Variants in FBXO45 observed in about 807,000 individuals in gnomAD.
FBXO45 encodes F-box/SPRY domain-containing protein 1.
Under a neutral mutation model 25.5 loss-of-function variants are expected in FBXO45, and 3 were observed. That is an observed-to-expected ratio of 0.12 (90% CI 0.05 to 0.30). The LOEUF is 0.30. Ranked by LOEUF, FBXO45 falls within the 10% of genes least tolerant of loss-of-function variation. FBXO45 has a pLI of 1.00. For missense variants in FBXO45, 219 were observed against 365.0 expected, an observed-to-expected ratio of 0.60 and a Z score of 3.26; for synonymous variants, 155 against 149.8, an observed-to-expected ratio of 1.03 and a Z score of -0.25.
chr3:196,584,059 C>G lies in FBXO45; in HGVS notation c.676-74C>G. The G allele has an allele frequency of 7.1e-7, 1 of 1,400,954 alleles. No homozygotes were observed. The highest frequency in any genetic ancestry group is 2.2e-5 in the Admixed American group (1 of 45,592). The allele number at this position is 1,400,954 out of a possible 1,614,324, so 86.8% of individuals were successfully genotyped here. On this transcript the variant is annotated intron_variant, in intron 2 of 2. Coordinates refer to ENST00000311630, the MANE Select transcript of FBXO45 (RefSeq NM_001105573.2). The surrounding 1 kb of genome is among the most constrained non-coding windows in gnomAD (Gnocchi z 4.3). ...ATAATATTCTTAATATTTTCAACTT[C>G]TTGATTTGTGTCTTGTTTCTTCTAG...
rs190604501 is a variant in FBXO45, at chr3:196,587,054, A to G, written c.*2736A>G. 8 of 152,234 alleles carry G rather than the reference A, an allele frequency of 5.3e-5. No homozygotes were observed. The highest frequency in any genetic ancestry group is 1.0e-4 in the Non-Finnish European group (7 of 68,046). 9.4% of individuals were successfully genotyped at this position (152,234 alleles called of 1,614,324 possible). A position where few individuals can be genotyped will look rare whatever the true frequency, so the allele number is the denominator to read the frequency against. On this transcript the variant is annotated 3_prime_UTR_variant, in exon 3 of 3. Coordinates refer to ENST00000311630, the MANE Select transcript of FBXO45 (RefSeq NM_001105573.2). ...TTCAATTCATAGTATGATCAGGGAA[A>G]GTGTAACTGAGTATACTTTGTTGAC... is the stretch of plus-strand genomic sequence containing the variant.
chr3:196,572,324 C>G (rs148807724), intron 1 of FBXO45, among the ~76,000 whole-genome samples: 1 of 152,268 alleles, frequency 6.6e-6, no homozygotes, highest in East Asian at 1.9e-4. Context: ...GGATATTAAT[C>G]AAATAATCAC....
chr3:196,568,878 G>A lies in FBXO45; in HGVS notation c.-107G>A. The A allele has an allele frequency of 1.2e-6, 1 of 849,022 alleles. No individual in the cohort carries two copies. The highest frequency in any genetic ancestry group is 1.8e-5 in the African/African-American group (1 of 54,700). The allele number at this position is 849,022 out of a possible 1,614,324, so 52.6% of individuals were successfully genotyped here. A position where few individuals can be genotyped will look rare whatever the true frequency, so the allele number is the denominator to read the frequency against. ...AGGCGCCGGCGGTTGGCACTGACAGGGGCGGTGAGCGAGCCGCTCCGGTCT... is the reference window on the plus strand; with the variant it reads ...AGGCGCCGGCGGTTGGCACTGACAGAGGCGGTGAGCGAGCCGCTCCGGTCT... On this transcript the variant is annotated 5_prime_UTR_variant, in exon 1 of 3. Coordinates refer to ENST00000311630, the MANE Select transcript of FBXO45 (RefSeq NM_001105573.2).
Position 196,584,229 on chromosome 3 carries a change from C to G in FBXO45, c.772C>G (p.Pro258Ala). The change falls in exon 3 of 3, where the codon CCA (proline) becomes GCA (alanine). Residue 258 changes from proline to alanine, a missense_variant. This residue lies in a region of FBXO45 where 16 missense variants were observed against 52.3 expected (regional missense o/e 0.31). Transcript: ENST00000311630. The surrounding 1 kb of genome is among the most constrained non-coding windows in gnomAD (Gnocchi z 4.3). ...CCTGGGGGTTGCTTTTAGAGGACTT[C>G]CAAAGGTCTGCTTATACCCAGCAGT... The part of the protein sequence containing the change: ...EFLGVAFRGL[P>A]KVCLYPAVSA... 6.2e-7 allele frequency: 1 copy of G among 1,613,942 alleles called. No individual in the cohort carries two copies. The highest frequency in any genetic ancestry group is 8.5e-7 in the Non-Finnish European group (1 of 1,179,876).
chr3:196,569,917 C>T lies in FBXO45; in HGVS notation c.318+615C>T, dbSNP rs1455820408. Among the ~76,000 whole-genome samples, 1 of 152,186 alleles carries T rather than the reference C, an allele frequency of 6.6e-6. No individual in the cohort carries two copies. The highest frequency in any genetic ancestry group is 1.5e-5 in the Non-Finnish European group (1 of 68,038). ...GCACCACCTAACATACTGCTTTGTCCTGCTGTTATTGGCTGTTTCCTTGCT... is the reference window on the plus strand; with the variant it reads ...GCACCACCTAACATACTGCTTTGTCTTGCTGTTATTGGCTGTTTCCTTGCT... On this transcript the variant is annotated intron_variant, in intron 1 of 2. Coordinates refer to ENST00000311630, the MANE Select transcript of FBXO45 (RefSeq NM_001105573.2). This position sits in a 1 kb window ranked among gnomAD's most constrained non-coding sequence, Gnocchi z 4.1.
chr3:196,584,136 G>C lies in FBXO45; in HGVS notation c.679G>C (p.Gly227Arg), dbSNP rs766332286. 3 of 1,613,620 alleles carry C rather than the reference G, an allele frequency of 1.9e-6. No homozygotes were observed. The Admixed American group carries it at 5.0e-5, about 27-fold the overall frequency. Residue 227 changes from glycine to arginine, a missense_variant, in exon 3 of 3, where the codon GGA becomes CGA. Coordinates refer to ENST00000311630, the MANE Select transcript of FBXO45 (RefSeq NM_001105573.2). The surrounding 1 kb of genome is among the most constrained non-coding windows in gnomAD (Gnocchi z 4.3). ...QCNNAPKYQI[G>R]ERIRVILDME... ...ACCTTTTGATATCTGTTTGCAGATA[G>C]GAGAAAGAATTCGAGTCATCTTGGA...
chr3:196,571,001 C>T lies in FBXO45; in HGVS notation c.318+1699C>T, dbSNP rs1706269976. On this transcript the variant is annotated intron_variant, in intron 1 of 2. Coordinates refer to ENST00000311630, the MANE Select transcript of FBXO45 (RefSeq NM_001105573.2). Reference sequence around the variant, plus strand: ...CTGGGATTACAGGCGTGAGCTCATGCGCCCGGCCTCAAGTTGTTTTTCTAT... The same window carrying T: ...CTGGGATTACAGGCGTGAGCTCATGTGCCCGGCCTCAAGTTGTTTTTCTAT... Among the ~76,000 whole-genome samples the T allele has an allele frequency of 2.0e-5, 3 of 152,160 alleles. No homozygotes were observed. In the South Asian group the frequency reaches 6.2e-4, roughly 32 times the overall value.
At chr3:196,574,075 C>T (rs1735873728) in intron 1 of FBXO45, among the ~76,000 whole-genome samples, 3 of 151,468 alleles carry the variant, frequency 2.0e-5, no homozygotes, top group Admixed American at 1.3e-4. Flanking sequence ...GCTTGGATTA[C>T]AGGAGCCTGC....
At chr3:196,580,360 C>T (rs144391293) in intron 2 of FBXO45, among the ~76,000 whole-genome samples, 4,503 of 152,132 alleles carry the variant, frequency 0.03, 227 homozygotes, top group African/African-American at 0.1. Flanking sequence ...TACAGGCATG[C>T]GCCACCACAC....
At chr3:196,577,305 A>G in intron 1 of FBXO45, 148 bp from the exon 2 acceptor site, 1 of 636,840 alleles carries the variant, frequency 1.6e-6, no homozygotes. Context: ...TTCCATCCTG[A>G]AACTTCAGCC....
In FBXO45 at chr3:196,586,420, A is replaced by C. The variant is rs1246397239; in HGVS notation, c.*2102A>C. 1 of 152,234 alleles carries C rather than the reference A, an allele frequency of 6.6e-6. No individual in the cohort carries two copies. Among genetic ancestry groups the C allele is most frequent in the African/African-American group, 2.4e-5 (1 of 41,452 alleles). The allele number at this position is 152,234 out of a possible 1,614,324, so 9.4% of individuals were successfully genotyped here. ...GAATGAAATAATTGCCTCAATATTTAACAACAAGCCATTCTTATCTCAAAG... is the reference window on the plus strand; with the variant it reads ...GAATGAAATAATTGCCTCAATATTTCACAACAAGCCATTCTTATCTCAAAG... On this transcript the variant is annotated 3_prime_UTR_variant, in exon 3 of 3. Coordinates refer to ENST00000311630, the MANE Select transcript of FBXO45 (RefSeq NM_001105573.2).
At chr3:196,579,984 TC>T (rs1735980210) in intron 2 of FBXO45, among the ~76,000 whole-genome samples, 2 of 152,046 alleles carry the variant, frequency 1.3e-5, no homozygotes. Context: ...TCTAACCCAG[TC>T]TCTGTCTCTG....
At position 196,584,309 on chromosome 3, in the gene FBXO45, G is replaced by A; in HGVS notation, c.852G>A (p.Leu284=). The change falls in exon 3 of 3, where the codon TTG becomes TTA. Residue 284 remains leucine, a synonymous_variant. Coordinates refer to ENST00000311630, the MANE Select transcript of FBXO45 (RefSeq NM_001105573.2). The surrounding 1 kb of genome is among the most constrained non-coding windows in gnomAD (Gnocchi z 4.3). ...CTTTGGTTTACCTTGGAAAACCTTT[G>A]GACGGATGACAGTGGCTTTCTTGTG... ...EVTLVYLGKP[L]DG The A allele has an allele frequency of 6.2e-7, 1 of 1,603,332 alleles. No individual in the cohort carries two copies. Among genetic ancestry groups the A allele is most frequent in the Non-Finnish European group, 8.5e-7 (1 of 1,176,774 alleles).
At chr3:196,574,852 T>C (rs1420577520) in intron 1 of FBXO45, among the ~76,000 whole-genome samples, 1 of 152,140 alleles carries the variant, frequency 6.6e-6, no homozygotes, top group Non-Finnish European at 1.5e-5. Flanking sequence ...GCACATATAA[T>C]ACTTTCAGCA....
intron 2 of FBXO45, among the ~76,000 whole-genome samples, chr3:196,583,579 T>G (rs2108729536): frequency 1.3e-5 from 2 of 152,282 alleles, no homozygotes; most frequent in Middle Eastern, 3.4e-3. Context: ...ATTGCTCTTT[T>G]TGGTAAAATA....
At chr3:196,571,057 G>C (rs1051409680) in intron 1 of FBXO45, among the ~76,000 whole-genome samples, 1 of 152,294 alleles carries the variant, frequency 6.6e-6, no homozygotes, top group African/African-American at 2.4e-5. Flanking sequence ...TACTAGGACT[G>C]TTTGTGCGTG....
Position 196,569,687 on chromosome 3 carries a change from T to TAGTTTCTA in FBXO45, c.318+402_318+409dup, listed in dbSNP as rs534192733. Among the ~76,000 whole-genome samples the TAGTTTCTA allele has an allele frequency of 3.3e-5, 5 of 152,352 alleles. No individual in the cohort carries two copies. In the East Asian group the frequency reaches 7.7e-4, roughly 23 times the overall value. On this transcript the variant is annotated intron_variant, in intron 1 of 2. Coordinates refer to ENST00000311630, the MANE Select transcript of FBXO45 (RefSeq NM_001105573.2). The surrounding 1 kb of genome is among the most constrained non-coding windows in gnomAD (Gnocchi z 4.1). ...AATCCCGGCCACCTTAACATGGGCT[T>TAGTTTCTA]AGTTTCTAAGTTTCTAAGTTTCTAG...
rs1022332913 is a variant in FBXO45 at position 196,569,613 on chromosome 3, T to C, written c.318+311T>C. 6.6e-6 allele frequency among the ~76,000 whole-genome samples: 1 copy of C among 152,212 alleles called. No individual in the cohort carries two copies. The highest frequency in any genetic ancestry group is 2.4e-5 in the African/African-American group (1 of 41,452). On this transcript the variant is annotated intron_variant, in intron 1 of 2. Coordinates refer to ENST00000311630, the MANE Select transcript of FBXO45 (RefSeq NM_001105573.2). This position sits in a 1 kb window ranked among gnomAD's most constrained non-coding sequence, Gnocchi z 4.1. ...ACCACTCTTGTACCTTTTAATGCCC[T>C]CATCCTACTTTTCTCCCCGGCCTCC...
Position 196,584,353 on chromosome 3 carries a change from G to C in FBXO45, c.*35G>C. ...TCTTGTGATGACAGACAGAATGGAG[G>C]AGAGATCTGCTTATGGGAAGTAGAA... On this transcript the variant is annotated 3_prime_UTR_variant, in exon 3 of 3. Transcript: ENST00000311630. The surrounding 1 kb of genome is among the most constrained non-coding windows in gnomAD (Gnocchi z 4.3). 1.3e-6 allele frequency: 2 copies of C among 1,560,550 alleles called. No individual in the cohort carries two copies. The highest frequency in any genetic ancestry group is 1.7e-6 in the Non-Finnish European group (2 of 1,154,100).
Sources: allele counts gnomAD v4.1 joint callset (sites outside exome capture counted in the v4.1 genomes callset), GRCh38; gene constraint gnomAD v4.1.1; regional missense constraint gnomAD v4.1.1; non-coding constraint Gnocchi (gnomAD v3.1); transcripts MANE v1.5; gene names NCBI Gene and HGNC (gene_info 2026-07-23, HGNC 2026-07-21).